Variants in HTR1F observed in about 807,000 individuals in gnomAD.
HTR1F encodes 5-hydroxytryptamine receptor 1F, also known as 5-hydroxytryptamine (serotonin) receptor 1F, G protein-coupled.
In HTR1F, 17 loss-of-function variants were observed where a neutral mutation model predicts 24.0. The observed-to-expected ratio is 0.71, with a 90% CI of 0.48 to 1.06. The LOEUF (loss-of-function observed/expected upper bound fraction) is 1.06. Ranked by LOEUF, HTR1F falls within the 50% of genes least tolerant of loss-of-function variation. The pLI is 0.00. For missense variants in HTR1F, 391 were observed against 427.8 expected (o/e 0.91, Z 0.76); for synonymous variants, 186 against 156.8 (o/e 1.19, Z -1.39).
chr3:87,938,122 A>T (rs560762203), intron 2 of HTR1F, among the ~76,000 whole-genome samples: 5 of 152,200 alleles, frequency 3.3e-5, no homozygotes, highest in African/African-American at 1.2e-4. Context: ...TGAAAAAAGT[A>T]ACTAACATTC....
At chr3:87,961,099 G>A (rs1705050778) in intron 2 of HTR1F, among the ~76,000 whole-genome samples, 1 of 151,962 alleles carries the variant, frequency 6.6e-6, no homozygotes, top group Non-Finnish European at 1.5e-5. Flanking sequence ...GATGTCCAGT[G>A]GAAAGTAAAA....
intron 1 of HTR1F, among the ~76,000 whole-genome samples, chr3:87,813,050 G>A (rs1228329696): frequency 1.3e-5 from 2 of 152,220 alleles, no homozygotes; most frequent in South Asian, 2.1e-4. Flanking sequence ...GAAGGGAAAT[G>A]TGGGGTCAGA....
chr3:87,870,021 T>A (rs1174598478), intron 2 of HTR1F, among the ~76,000 whole-genome samples: 1 of 152,106 alleles, frequency 6.6e-6, no homozygotes, highest in African/African-American at 2.4e-5. Context: ...ATTATGTATT[T>A]TCAATGATTG....
Position 87,910,279 on chromosome 3 carries a change from G to A in HTR1F, c.-42-80429G>A, listed in dbSNP as rs532742798. On this transcript the variant is annotated intron_variant, in intron 2 of 2. Coordinates refer to ENST00000319595, the MANE Select transcript of HTR1F (RefSeq NM_001322209.2). ...CTTGACAAGGATGGAAGAGGCCCTC[G>A]GGCATGACAAGACACATATGGTTAA... The A allele has an allele frequency of 9.9e-5, 15 of 152,002 alleles. No individual in the cohort carries two copies. The South Asian group carries it at 2.1e-3, about 21-fold the overall frequency. The allele number at this position is 152,002 out of a possible 1,614,324, so 9.4% of individuals were successfully genotyped here.
intron 2 of HTR1F, among the ~76,000 whole-genome samples, chr3:87,890,837 T>C (rs1706063660): frequency 6.8e-6 from 1 of 147,948 alleles, no homozygotes; most frequent in Non-Finnish European, 1.5e-5. Context: ...TACAAGTCAA[T>C]TATTTCTTTT....
At chr3:87,871,415 A>G (rs1434680841) in intron 2 of HTR1F, among the ~76,000 whole-genome samples, 7 of 152,076 alleles carry the variant, frequency 4.6e-5, no homozygotes, top group African/African-American at 1.7e-4. Context: ...CTTATGGGGT[A>G]CTGTCAAGTG....
chr3:87,815,784 A>G (rs1704239588), intron 1 of HTR1F, among the ~76,000 whole-genome samples: 1 of 152,106 alleles, frequency 6.6e-6, no homozygotes, highest in South Asian at 2.1e-4. Flanking sequence ...CTTATTCTTC[A>G]TATAGCATAT....
At chr3:87,935,317 C>A (rs1270800704) in intron 2 of HTR1F, among the ~76,000 whole-genome samples, 1 of 152,196 alleles carries the variant, frequency 6.6e-6, no homozygotes, top group Non-Finnish European at 1.5e-5. Flanking sequence ...CTCTCACCAA[C>A]AGGTTCTATT....
At chr3:87,939,700 A>G (rs35946072) in intron 2 of HTR1F, among the ~76,000 whole-genome samples, 1 of 152,130 alleles carries the variant, frequency 6.6e-6, no homozygotes, top group Middle Eastern at 3.2e-3. Context: ...CTGTGGGATC[A>G]GTGGTCATAT....
chr3:87,828,174 A>C (rs1205124377), intron 2 of HTR1F, among the ~76,000 whole-genome samples: 1 of 152,152 alleles, frequency 6.6e-6, no homozygotes. Context: ...GAAGTGTGGT[A>C]ATTTATAGCA....
At chr3:87,973,038 G>A (rs1467058979) in intron 2 of HTR1F, among the ~76,000 whole-genome samples, 12 of 151,942 alleles carry the variant, frequency 7.9e-5, no homozygotes, top group African/African-American at 2.9e-4. Context: ...AGGCATGGTG[G>A]TGTGCACCTG....
intron 2 of HTR1F, among the ~76,000 whole-genome samples, chr3:87,880,246 T>G (rs2062812): frequency 0.16 from 24,403 of 152,082 alleles, 2,263 homozygotes; most frequent in African/African-American, 0.25. Context: ...ATCTTAATTG[T>G]GGTGTGGTTT....
intron 2 of HTR1F, among the ~76,000 whole-genome samples, chr3:87,930,150 G>C (rs1704226530): frequency 6.6e-6 from 1 of 152,168 alleles, no homozygotes; most frequent in Non-Finnish European, 1.5e-5. Flanking sequence ...CTGAGACTTT[G>C]CTGAAGTTGT....
chr3:87,863,239 T>G (rs1443612179), intron 2 of HTR1F, among the ~76,000 whole-genome samples: 1 of 152,222 alleles, frequency 6.6e-6, no homozygotes, highest in Non-Finnish European at 1.5e-5. Context: ...GGGGGGGTTT[T>G]GTTGGTTTGT....
chr3:87,945,419 T>A (rs188009337), intron 2 of HTR1F, among the ~76,000 whole-genome samples: 1 of 151,970 alleles, frequency 6.6e-6, no homozygotes, highest in Non-Finnish European at 1.5e-5. Context: ...GTAAGGAGAA[T>A]TTTGGGGCTA....
intron 2 of HTR1F, among the ~76,000 whole-genome samples, chr3:87,871,742 G>T (rs1705563059): frequency 6.6e-6 from 1 of 152,104 alleles, no homozygotes; most frequent in South Asian, 2.1e-4. Flanking sequence ...CTATAGGCCA[G>T]AAGGGAGCAC....
rs761532234 is a variant in HTR1F, at chr3:87,991,164, C to A, written c.415C>A (p.His139Asn). ...VEYARKRTPKHAGIMITIVWI... is the reference protein window; with the variant it reads ...VEYARKRTPKNAGIMITIVWI... ...GTATGCCAGGAAAAGGACTCCAAAG[C>A]ATGCTGGCATTATGATTACAATAGT... Residue 139 changes from histidine (H) to asparagine (N), a missense_variant, in exon 3 of 3, where the codon CAT becomes AAT. Transcript: ENST00000319595. 5 of 1,613,888 alleles carry A rather than the reference C, an allele frequency of 3.1e-6. No individual in the cohort carries two copies. The highest frequency in any genetic ancestry group is 1.6e-4 in the Middle Eastern group (1 of 6,084).
chr3:87,925,796 A>G (rs1236037881), intron 2 of HTR1F, among the ~76,000 whole-genome samples: 1 of 151,852 alleles, frequency 6.6e-6, no homozygotes, highest in African/African-American at 2.4e-5. Flanking sequence ...ACTGCTAGAG[A>G]TCTCCCCTTT....
chr3:87,906,417 T>G (rs1703668669), intron 2 of HTR1F, among the ~76,000 whole-genome samples: 1 of 152,132 alleles, frequency 6.6e-6, no homozygotes, highest in Non-Finnish European at 1.5e-5. Flanking sequence ...AGAATAATTT[T>G]TATAATGTTT....
Sources: allele counts gnomAD v4.1 joint callset (sites outside exome capture counted in the v4.1 genomes callset), GRCh38; gene constraint gnomAD v4.1.1; transcripts MANE v1.5; gene names NCBI Gene and HGNC (gene_info 2026-07-23, HGNC 2026-07-21).